OLFM1: variants seen among roughly 807,000 people sequenced by gnomAD.
The protein encoded by OLFM1 is olfactomedin 1.
A neutral mutation model predicts 49.7 loss-of-function variants in OLFM1; 9 were observed. The ratio of observed to expected loss-of-function variants is 0.18; its 90% CI spans 0.11 to 0.32. The LOEUF is 0.32. OLFM1 is among the 10% of genes least tolerant of loss of function. The probability of loss-of-function intolerance (pLI) is 1.00; values close to 1 mark genes in which losing one functional copy is unlikely to be tolerated. For synonymous variants in OLFM1, 240 were observed against 271.8 expected (o/e 0.88, Z 1.15); for missense variants, 369 against 661.8 (o/e 0.56, Z 4.85).
chr9:135,101,338 C>G lies in OLFM1; in HGVS notation c.676+2833C>G, dbSNP rs143412520. 1.5e-4 allele frequency among the ~76,000 whole-genome samples: 23 copies of G among 152,270 alleles called. No homozygotes were observed. The South Asian group carries it at 4.8e-3, about 32-fold the overall frequency. On this transcript the variant is annotated intron_variant, in intron 4 of 5. Coordinates refer to ENST00000371793, the MANE Select transcript of OLFM1 (RefSeq NM_001282611.2). ...GTTCCATGGTCTAGTGAACAGGGTCCGGGTTCCCTTCCTGCAGTAAGCCTG... is the reference window on the plus strand; with the variant it reads ...GTTCCATGGTCTAGTGAACAGGGTCGGGGTTCCCTTCCTGCAGTAAGCCTG...
chr9:135,110,350 C>T (rs1831005009), intron 5 of OLFM1, among the ~76,000 whole-genome samples: 1 of 152,192 alleles, frequency 6.6e-6, no homozygotes, highest in Non-Finnish European at 1.5e-5. Context: ...TCACATCAGA[C>T]ACCAGACACC....
In OLFM1 at chr9:135,080,870, C is replaced by G. The variant is rs551780888; in HGVS notation, c.96+5068C>G. ...ACCTCAGCGCTGTCCCGACTGGCAC[C>G]GCAGGGCGACCGAAGGGAGGGGAAG... On this transcript the variant is annotated intron_variant, in intron 1 of 5. Transcript: ENST00000252854. This position sits in a 1 kb window ranked among gnomAD's most constrained non-coding sequence, Gnocchi z 4.5. 6.6e-6 allele frequency among the ~76,000 whole-genome samples: 1 copy of G among 152,088 alleles called. No individual in the cohort carries two copies. Among genetic ancestry groups the G allele is most frequent in the East Asian group, 1.9e-4 (1 of 5,174 alleles).
At chr9:135,101,470 A>G (rs921597873) in intron 4 of OLFM1, among the ~76,000 whole-genome samples, 24 of 152,226 alleles carry the variant, frequency 1.6e-4, no homozygotes, top group African/African-American at 5.1e-4. Flanking sequence ...CAGAGAAAAC[A>G]AGGACCAGGG....
intron 2 of OLFM1, among the ~76,000 whole-genome samples, chr9:135,094,470 G>A (rs991021523): frequency 9.9e-5 from 15 of 152,160 alleles, no homozygotes; most frequent in African/African-American, 3.4e-4. Context: ...AAAAGGTGCT[G>A]TAGTTATTCA....
intron 3 of OLFM1, chr9:135,097,876 A>T: frequency 6.3e-7 from 1 of 1,590,180 alleles, no homozygotes; most frequent in Non-Finnish European, 8.5e-7. Context: ...TTTTTGCACC[A>T]TGCATTTTTA....
At chr9:135,078,514 C>A (rs7874992) in intron 1 of OLFM1, among the ~76,000 whole-genome samples, 8 of 152,316 alleles carry the variant, frequency 5.3e-5, no homozygotes, top group African/African-American at 1.9e-4. Flanking sequence ...GGATGGCCTA[C>A]GACACGCAAG....
chr9:135,104,004 CATTA>C (rs1187807371), intron 4 of OLFM1, among the ~76,000 whole-genome samples: 1 of 152,222 alleles, frequency 6.6e-6, no homozygotes, highest in African/African-American at 2.4e-5. Flanking sequence ...TTCGTTCATT[CATTA>C]ATTCATTCCA....
intron 5 of OLFM1, among the ~76,000 whole-genome samples, chr9:135,108,077 G>C (rs1288708851): frequency 6.6e-6 from 1 of 152,232 alleles, no homozygotes; most frequent in Non-Finnish European, 1.5e-5. Flanking sequence ...CCATCTGGAA[G>C]GGCTGGCCAG....
chr9:135,087,829 G>C lies in OLFM1; in HGVS notation c.-161G>C. On this transcript the variant is annotated 5_prime_UTR_variant, in exon 1 of 6. Coordinates refer to ENST00000371793, the MANE Select transcript of OLFM1 (RefSeq NM_001282611.2). ...GGGAAGGCGCGGCGATGGCCGGGGC[G>C]CGCGGGGCGGCGGCGGCGGCGGGCG... 1.1e-6 allele frequency: 1 copy of C among 909,214 alleles called. No individual in the cohort carries two copies. Among genetic ancestry groups the C allele is most frequent in the South Asian group, 4.8e-5 (1 of 20,646 alleles). The allele number at this position is 909,214 out of a possible 1,614,324, so 56.3% of individuals were successfully genotyped here.
At chr9:135,081,742 G>C (rs577109672) in intron 1 of OLFM1, among the ~76,000 whole-genome samples, 1 of 152,216 alleles carries the variant, frequency 6.6e-6, no homozygotes, top group East Asian at 1.9e-4. Context: ...TTGAGAGGCC[G>C]AGGCAGGTGG....
Position 135,117,346 on chromosome 9 carries a change from G to T in OLFM1, c.784-2158G>T, listed in dbSNP as rs1661407603. On this transcript the variant is annotated intron_variant, in intron 5 of 5. Transcript: ENST00000371793. The surrounding 1 kb of genome is among the most constrained non-coding windows in gnomAD (Gnocchi z 5.5). ...GAGGCACTTTTGCTGGATTAGGGGT[G>T]ACAATGAGTGATTACACTCACAGCA... Among the ~76,000 whole-genome samples, 1 of 152,192 alleles carries T rather than the reference G, an allele frequency of 6.6e-6. No homozygotes were observed. Among genetic ancestry groups the T allele is most frequent in the South Asian group, 2.1e-4 (1 of 4,822 alleles).
intron 5 of OLFM1, among the ~76,000 whole-genome samples, chr9:135,116,901 A>C (rs1831103679): frequency 6.6e-6 from 1 of 152,140 alleles, no homozygotes; most frequent in Non-Finnish European, 1.5e-5. Context: ...GATCTCATTA[A>C]AAACAAAAAG....
intron 4 of OLFM1, among the ~76,000 whole-genome samples, chr9:135,102,872 CCT>C (rs1830889621): frequency 6.6e-6 from 1 of 152,184 alleles, no homozygotes; most frequent in Non-Finnish European, 1.5e-5. Flanking sequence ...CCCAGAGACC[CCT>C]CTGTCTCTGG....
intron 4 of OLFM1, among the ~76,000 whole-genome samples, chr9:135,101,516 C>T (rs1057014507): frequency 3.3e-5 from 5 of 152,240 alleles, no homozygotes; most frequent in Non-Finnish European, 5.9e-5. Context: ...CTGAAGATCC[C>T]TCTTTTGATG....
chr9:135,087,341 G>A (rs1442566631), upstream of OLFM1: 2 of 1,542,332 alleles, frequency 1.3e-6, no homozygotes, highest in Middle Eastern at 1.8e-4. Flanking sequence ...CGGACCCTCT[G>A]CGGGGATCGG....
chr9:135,097,840 G>A, intron 3 of OLFM1: 1 of 1,611,704 alleles, frequency 6.2e-7, no homozygotes, highest in Non-Finnish European at 8.5e-7. Flanking sequence ...CCACTCCCAT[G>A]TAACCATGAA....
rs1831066360 is a variant in OLFM1 at position 135,114,328 on chromosome 9, C to T, written c.784-5176C>T. ...TAGAGACGAGGTTTCACTGTGTTGG[C>T]CAGGTCTCGAACTCCTGACCTCGTG... is the stretch of plus-strand genomic sequence containing the variant. On this transcript the variant is annotated intron_variant, in intron 5 of 5. Coordinates refer to ENST00000371793, the MANE Select transcript of OLFM1 (RefSeq NM_001282611.2). 2.6e-5 allele frequency among the ~76,000 whole-genome samples: 4 copies of T among 151,894 alleles called. No individual in the cohort carries two copies. In the South Asian group the frequency reaches 8.3e-4, roughly 32 times the overall value.
In OLFM1 at chr9:135,117,814, T is replaced by C. The variant is rs2119145512; in HGVS notation, c.784-1690T>C. On this transcript the variant is annotated intron_variant, in intron 5 of 5. Coordinates refer to ENST00000371793, the MANE Select transcript of OLFM1 (RefSeq NM_001282611.2). This position sits in a 1 kb window ranked among gnomAD's most constrained non-coding sequence, Gnocchi z 5.5. ...CCTGTGTGCTCCCATCCCACCTTCCTGCTAGATTCTTTCTTCAAACTGGGC... is the reference window on the plus strand; with the variant it reads ...CCTGTGTGCTCCCATCCCACCTTCCCGCTAGATTCTTTCTTCAAACTGGGC... Among the ~76,000 whole-genome samples, 1 of 152,322 alleles carries C rather than the reference T, an allele frequency of 6.6e-6. No individual in the cohort carries two copies. Among genetic ancestry groups the C allele is most frequent in the East Asian group, 1.9e-4 (1 of 5,172 alleles).
At chr9:135,093,245 T>C (rs1338349943) in intron 2 of OLFM1, among the ~76,000 whole-genome samples, 4 of 152,202 alleles carry the variant, frequency 2.6e-5, no homozygotes, top group African/African-American at 9.6e-5. Flanking sequence ...GGTCGAGCAC[T>C]GTAGGGACAC....
Sources: gnomAD v4.1 joint callset for allele counts (sites outside exome capture counted in the v4.1 genomes callset) on GRCh38, gnomAD v4.1.1 for gene constraint, Gnocchi (gnomAD v3.1) non-coding constraint, MANE v1.5 for transcripts, NCBI Gene and HGNC (gene_info 2026-07-23, HGNC 2026-07-21) for gene names.